GREB1: variants seen among roughly 807,000 people sequenced by gnomAD.
GREB1 encodes growth regulating estrogen receptor binding 1.
Under a neutral mutation model 200.7 loss-of-function variants are expected in GREB1, and 106 were observed. That is an observed-to-expected ratio of 0.53 (90% CI 0.45 to 0.62). The LOEUF (loss-of-function observed/expected upper bound fraction) is 0.62. Among genes scored for constraint, GREB1 ranks in the 20% least tolerant of loss-of-function variants. GREB1 has a pLI of 0.00. For missense variants in GREB1, 2,243 were observed against 2,556.8 expected (o/e 0.88, Z 2.65); for synonymous variants, 1,132 against 1,092.4 (o/e 1.04, Z -0.72).
At position 11,598,681 on chromosome 2, in the gene GREB1, G is replaced by T; in HGVS notation, c.2154G>T (p.Gly718=). The T allele has an allele frequency of 2.5e-6, 4 of 1,613,902 alleles. No individual in the cohort carries two copies. Among genetic ancestry groups the T allele is most frequent in the Non-Finnish European group, 3.4e-6 (4 of 1,179,838 alleles). The change falls in exon 15 of 33, where the codon GGG becomes GGT. Residue 718 remains glycine (G), a splice_region_variant and synonymous_variant. Transcript: ENST00000381486. ...QQTLLHVWHS[G]VLLELGLKKE... ...TGATGTATGTTCTTTGTGTTGCAGG[G>T]GTTTTGCTGGAGCTTGGTCTGAAGA...
rs116041682 is a variant in GREB1, at chr2:11,539,480, G to T, written c.-162+5226G>T. Among the ~76,000 whole-genome samples the T allele has an allele frequency of 6.6e-3, 999 of 152,264 alleles. 6 individuals are homozygous for T. Among genetic ancestry groups the T allele is most frequent in the African/African-American group, 0.023 (936 of 41,544 alleles). Reference sequence around the variant, plus strand: ...GCTCGCTTATGTGGCTTAGGTCCACGCTACCTGTAGTCCTTCGGAGGCAAG... The same window carrying T: ...GCTCGCTTATGTGGCTTAGGTCCACTCTACCTGTAGTCCTTCGGAGGCAAG... On this transcript the variant is annotated intron_variant, in intron 1 of 32. Coordinates refer to ENST00000381486, the MANE Select transcript of GREB1 (RefSeq NM_014668.4).
rs1685500871 is a variant in GREB1, at chr2:11,637,768, A to G, written c.5399A>G (p.Asp1800Gly). The change falls in exon 31 of 33, where the codon GAC becomes GGC. Residue 1800 changes from aspartate to glycine, a missense_variant. This residue lies in a region of GREB1 where 478 missense variants were observed against 616.3 expected (regional missense o/e 0.78). Transcript: ENST00000381486. The part of the protein sequence containing the change: ...VVPAQYICAP[D>G]SKHTFLAAPA... ...CCGGCCCAGTACATCTGTGCCCCGGACAGCAAGCACACGTTCCTCGCAGCG... is the reference window on the plus strand; with the variant it reads ...CCGGCCCAGTACATCTGTGCCCCGGGCAGCAAGCACACGTTCCTCGCAGCG... 2.5e-6 allele frequency: 4 copies of G among 1,613,862 alleles called. No individual in the cohort carries two copies. The highest frequency in any genetic ancestry group is 3.4e-6 in the Non-Finnish European group (4 of 1,180,036).
intron 17 of GREB1, among the ~76,000 whole-genome samples, chr2:11,608,395 C>A (rs141321304): frequency 1.3e-5 from 2 of 152,192 alleles, no homozygotes; most frequent in Non-Finnish European, 2.9e-5. Flanking sequence ...CAATTGGTTC[C>A]CCCCCTTTAT....
intron 1 of GREB1, among the ~76,000 whole-genome samples, chr2:11,537,657 A>G (rs1410108413): frequency 1.4e-5 from 2 of 146,272 alleles, no homozygotes; most frequent in East Asian, 3.9e-4. Context: ...ATATTATATA[A>G]AAATATAAAA....
Position 11,598,732 on chromosome 2 carries a change from G to A in GREB1, c.2205G>A (p.Val735=), listed in dbSNP as rs745708934. ...LKKEHMTKQR[V]EQYVLKLDTE... ...AAGAGCACATGACGAAGCAGAGGGT[G>A]GAACAGTATGTTCTGAAGCTAGACA... is the stretch of plus-strand genomic sequence containing the variant. The change falls in exon 15 of 33, where the codon GTG becomes GTA. Residue 735 remains valine (V), a synonymous_variant. Coordinates refer to ENST00000381486, the MANE Select transcript of GREB1 (RefSeq NM_014668.4). 4.3e-6 allele frequency: 7 copies of A among 1,614,072 alleles called. No homozygotes were observed. In the East Asian group the frequency reaches 1.3e-4, roughly 31 times the overall value.
rs1046511779 is a variant in GREB1 at position 11,484,838 on chromosome 2, G to GT, written c.-159+2465dup. Among the ~76,000 whole-genome samples, 31 of 152,024 alleles carry GT rather than the reference G, an allele frequency of 2.0e-4. No individual in the cohort carries two copies. In the East Asian group the frequency reaches 2.7e-3, roughly 13 times the overall value. On this transcript the variant is annotated intron_variant, in intron 1 of 2. Transcript: ENST00000628795. ...CTTGTTATTGCAGATGGTTTAAATAGTTTTTTTTGTTTGTTTGTTTGTTTT... is the reference window on the plus strand; with the variant it reads ...CTTGTTATTGCAGATGGTTTAAATAGTTTTTTTTTGTTTGTTTGTTTGTTTT...
chr2:11,486,825 G>A (rs905774919), intron 1 of GREB1, among the ~76,000 whole-genome samples: 4 of 151,814 alleles, frequency 2.6e-5, no homozygotes, highest in East Asian at 1.9e-4. Context: ...CTGAGATCAC[G>A]CCATTGTACT....
At chr2:11,595,834 T>G (rs763610891) in intron 12 of GREB1, among the ~76,000 whole-genome samples, 6 of 152,084 alleles carry the variant, frequency 3.9e-5, no homozygotes, top group Admixed American at 6.5e-5. Context: ...TCTCAGACCC[T>G]TCGTTTTCCA....
intron 2 of GREB1, among the ~76,000 whole-genome samples, chr2:11,559,717 C>G (rs928558073): frequency 2.6e-5 from 4 of 152,214 alleles, no homozygotes; most frequent in Non-Finnish European, 4.4e-5. Context: ...TACTGCCTTG[C>G]TGGCGCCTGG....
intron 9 of GREB1, among the ~76,000 whole-genome samples, chr2:11,586,862 C>A (rs1237156694): frequency 6.6e-6 from 1 of 152,164 alleles, no homozygotes; most frequent in East Asian, 1.9e-4. Context: ...CCACTGGGCC[C>A]CACTGTCTAC....
chr2:11,530,406 GAA>G (rs1345139636), upstream of GREB1, among the ~76,000 whole-genome samples: 5 of 137,706 alleles, frequency 3.6e-5, no homozygotes, highest in Admixed American at 7.3e-5. Context: ...TGCCAAATAG[GAA>G]AAAAAAAAAA....
In GREB1 at chr2:11,615,208, G is replaced by A. The variant is rs1209770173; in HGVS notation, c.3240G>A (p.Lys1080=). 1.9e-6 allele frequency: 3 copies of A among 1,614,102 alleles called. No individual in the cohort carries two copies. Among genetic ancestry groups the A allele is most frequent in the East Asian group, 2.2e-5 (1 of 44,880 alleles). ...YFVSNEVPLE[K]GARNEALESD... ...TGAGCAACGAGGTTCCCTTGGAGAA[G>A]GGGGCTAGGAACGAGGCCTTGGAGA... The change falls in exon 20 of 33, where the codon AAG becomes AAA. Residue 1080 remains lysine (K), a synonymous_variant. Transcript: ENST00000381486.
At chr2:11,552,827 C>A (rs923466793) in intron 1 of GREB1, among the ~76,000 whole-genome samples, 5 of 151,898 alleles carry the variant, frequency 3.3e-5, no homozygotes, top group East Asian at 1.9e-4. Context: ...CTGGCTAACA[C>A]GGTGAAACCC....
chr2:11,592,840 G>C lies in GREB1; in HGVS notation c.1410G>C (p.Ser470=), dbSNP rs201256745. ...EQIFLRSWRE[S]HLTEIRQYQQ... Reference sequence around the variant, plus strand: ...TCTTCCTGCGCTCTTGGCGCGAGTCGCACCTGACCGAGATCCGGCAGTACC... The same window carrying C: ...TCTTCCTGCGCTCTTGGCGCGAGTCCCACCTGACCGAGATCCGGCAGTACC... The change falls in exon 11 of 33, where the codon TCG becomes TCC. Residue 470 remains serine, a synonymous_variant. Coordinates refer to ENST00000381486, the MANE Select transcript of GREB1 (RefSeq NM_014668.4). 168 of 1,595,788 alleles carry C rather than the reference G, an allele frequency of 1.1e-4. 1 individual carries two copies. In the African/African-American group the frequency reaches 2.1e-3, roughly 20 times the overall value.
chr2:11,502,499 G>A (rs1055995531), intron 1 of GREB1, among the ~76,000 whole-genome samples: 1 of 151,876 alleles, frequency 6.6e-6, no homozygotes, highest in African/African-American at 2.4e-5. Flanking sequence ...TGGGATTCCA[G>A]GCATGAGCCA....
At chr2:11,620,794 A>T in intron 22 of GREB1, 111 bp from the exon 23 acceptor site, 1 of 671,986 alleles carries the variant, frequency 1.5e-6, no homozygotes, top group Non-Finnish European at 2.7e-6. Flanking sequence ...CATTTTAAAG[A>T]CAGGATCTTC....
intron 4 of GREB1, among the ~76,000 whole-genome samples, chr2:11,571,196 G>C: frequency 6.6e-6 from 1 of 152,064 alleles, no homozygotes; most frequent in Non-Finnish European, 1.5e-5. Context: ...TTTGTCCCAA[G>C]TAACTGTTTA....
chr2:11,527,568 G>C (rs1212768671), intron 1 of GREB1, among the ~76,000 whole-genome samples: 1 of 152,214 alleles, frequency 6.6e-6, no homozygotes, highest in African/African-American at 2.4e-5. Context: ...GCATCTGGTG[G>C]ATTGGCTGGA....
intron 18 of GREB1, 84 bp downstream of exon 18, chr2:11,611,111 G>A (rs1418326653): frequency 7.5e-6 from 9 of 1,197,924 alleles, no homozygotes; most frequent in African/African-American, 1.5e-5. Flanking sequence ...GGAGTGTCAC[G>A]AACCCCACAG....
Sources: allele counts gnomAD v4.1 joint callset (sites outside exome capture counted in the v4.1 genomes callset), GRCh38; gene constraint gnomAD v4.1.1; regional missense constraint gnomAD v4.1.1; transcripts MANE v1.5; gene names NCBI Gene and HGNC (gene_info 2026-07-23, HGNC 2026-07-21).